LMO7: variants seen among roughly 807,000 people sequenced by gnomAD.
LMO7 encodes LIM domain 7, also known as LIM domain only protein 7.
LMO7 carries 120 observed loss-of-function variants against 206.5 expected under a neutral mutation model. The observed-to-expected ratio is 0.58, with a 90% CI of 0.50 to 0.68. The LOEUF (loss-of-function observed/expected upper bound fraction) is 0.68, where lower values mean the gene tolerates loss of function less well. Ranked by LOEUF, LMO7 falls within the 30% of genes least tolerant of loss-of-function variation. The probability of loss-of-function intolerance (pLI) is 0.00; values close to 1 mark genes in which losing one functional copy is unlikely to be tolerated. For synonymous variants in LMO7, 706 were observed against 681.5 expected (o/e 1.04, Z -0.56); for missense variants, 1,959 against 1,957.9 (o/e 1.00, Z -0.01).
rs546660263 is a variant in LMO7, at chr13:75,739,089, T to C, written c.210+11991T>C. 3.3e-5 allele frequency among the ~76,000 whole-genome samples: 5 copies of C among 152,328 alleles called. 1 individual carries two copies. Among genetic ancestry groups the C allele is most frequent in the African/African-American group, 9.6e-5 (4 of 41,578 alleles). ...CTCTTGAAATTGCCAGTGACTCCCA[T>C]GGGATAAAATCATCCCTGATTGAGA... On this transcript the variant is annotated intron_variant, in intron 3 of 30. Coordinates refer to ENST00000377534, the MANE Select transcript of LMO7 (RefSeq NM_001306080.2).
chr13:75,840,153 T>C (rs889261919), intron 21 of LMO7, 43 bp downstream of exon 21: 2 of 1,591,688 alleles, frequency 1.3e-6, no homozygotes, highest in African/African-American at 2.7e-5. Flanking sequence ...GTGAACTTGG[T>C]GGGACTGAAT....
chr13:75,761,270 G>A (rs904193485), intron 4 of LMO7, among the ~76,000 whole-genome samples: 6 of 151,990 alleles, frequency 3.9e-5, no homozygotes, highest in Admixed American at 2.0e-4. Context: ...TCTCTATACC[G>A]ACAAAAATGG....
chr13:75,834,478 T>G, intron 17 of LMO7, 91 bp downstream of exon 17: 1 of 990,116 alleles, frequency 1.0e-6, no homozygotes. Flanking sequence ...TAACTTTTTA[T>G]TTTTTCACTT....
intron 4 of LMO7, among the ~76,000 whole-genome samples, chr13:75,769,414 C>A (rs2049335646): frequency 6.6e-6 from 1 of 151,886 alleles, no homozygotes; most frequent in African/African-American, 2.4e-5. Context: ...CTTCAGACAC[C>A]ATTGACCAAA....
At chr13:75,772,680 C>CT (rs1413635486) in intron 4 of LMO7, among the ~76,000 whole-genome samples, 3 of 151,808 alleles carry the variant, frequency 2.0e-5, no homozygotes, top group Admixed American at 6.6e-5. Context: ...TGAAGGAATT[C>CT]TTTTTTTTAA....
At chr13:75,817,886 C>G (rs924337945) in intron 12 of LMO7, among the ~76,000 whole-genome samples, 1 of 151,816 alleles carries the variant, frequency 6.6e-6, no homozygotes, top group African/African-American at 2.4e-5. Flanking sequence ...AAAGCTTGAC[C>G]ATTTTTTTTA....
At chr13:75,699,127 T>C (rs1053089828) in intron 1 of LMO7, among the ~76,000 whole-genome samples, 1 of 152,190 alleles carries the variant, frequency 6.6e-6, no homozygotes, top group Non-Finnish European at 1.5e-5. Flanking sequence ...ATGGCATGTA[T>C]TAGTACAGTA....
intron 6 of LMO7, among the ~76,000 whole-genome samples, chr13:75,800,004 C>T (rs2054530770): frequency 6.6e-6 from 1 of 152,244 alleles, no homozygotes; most frequent in African/African-American, 2.4e-5. Flanking sequence ...TATTTAGGTC[C>T]ATAGAAAATA....
intron 1 of LMO7, among the ~76,000 whole-genome samples, chr13:75,652,031 T>G (rs895562001): frequency 6.6e-6 from 1 of 152,340 alleles, no homozygotes; most frequent in South Asian, 2.1e-4. Context: ...TAATGTTCAA[T>G]TGTATCTGCC....
chr13:75,854,707 A>G (rs1158054422), intron 28 of LMO7, among the ~76,000 whole-genome samples: 4 of 152,160 alleles, frequency 2.6e-5, no homozygotes, highest in Admixed American at 2.6e-4. Context: ...CCCTGCAGAG[A>G]CAATCCTGTA....
At chr13:75,845,254 G>A in intron 25 of LMO7, 73 bp from the exon 26 acceptor site, 1 of 710,946 alleles carries the variant, frequency 1.4e-6, no homozygotes, top group Non-Finnish European at 2.3e-6. Context: ...AATCTCTTCG[G>A]TGTTTTTACT....
intron 1 of LMO7, among the ~76,000 whole-genome samples, chr13:75,699,051 A>G (rs1227547109): frequency 6.6e-6 from 1 of 152,188 alleles, no homozygotes; most frequent in East Asian, 1.9e-4. Flanking sequence ...TTTCACGTAA[A>G]TAGAATAATA....
At chr13:75,665,329 C>T (rs1055157764) in intron 1 of LMO7, among the ~76,000 whole-genome samples, 5 of 151,780 alleles carry the variant, frequency 3.3e-5, no homozygotes, top group African/African-American at 1.2e-4. Context: ...GGGTTATTTT[C>T]TTTCTATAGT....
At chr13:75,759,753 G>A (rs553608028) in intron 3 of LMO7, among the ~76,000 whole-genome samples, 3 of 152,040 alleles carry the variant, frequency 2.0e-5, no homozygotes, top group South Asian at 2.1e-4. Flanking sequence ...GTGCTTTCCC[G>A]GAATCCCCTT....
intron 12 of LMO7, among the ~76,000 whole-genome samples, chr13:75,817,900 G>C (rs187614107): frequency 5.3e-5 from 8 of 152,062 alleles, no homozygotes; most frequent in African/African-American, 1.9e-4. Context: ...TTTTTTAATA[G>C]AGTAATTGTC....
chr13:75,799,919 T>C lies in LMO7; in HGVS notation c.463-765T>C, dbSNP rs188639667. ...AAGTGCTTATCTTGAGTAAGTTCTA[T>C]ATAATTCACAAACCTACAGTTAACA... On this transcript the variant is annotated intron_variant, in intron 6 of 30. Coordinates refer to ENST00000377534, the MANE Select transcript of LMO7 (RefSeq NM_001306080.2). Among the ~76,000 whole-genome samples, 755 of 152,364 alleles carry C rather than the reference T, an allele frequency of 5.0e-3. 6 individuals carry two copies. Among genetic ancestry groups the C allele is most frequent in the Admixed American group, 0.01 (154 of 15,300 alleles).
At chr13:75,771,863 G>A (rs2049791590) in intron 4 of LMO7, among the ~76,000 whole-genome samples, 1 of 151,960 alleles carries the variant, frequency 6.6e-6, no homozygotes, top group African/African-American at 2.4e-5. Context: ...TACAGTAAAA[G>A]TATCTATTCT....
chr13:75,802,781 G>C (rs1329452809), intron 7 of LMO7, among the ~76,000 whole-genome samples: 1 of 152,178 alleles, frequency 6.6e-6, no homozygotes, highest in Non-Finnish European at 1.5e-5. Flanking sequence ...GCTCTTTTGT[G>C]ATCAGTGTGT....
intron 3 of LMO7, among the ~76,000 whole-genome samples, chr13:75,741,127 T>TA (rs1416485433): frequency 2.0e-5 from 3 of 152,222 alleles, no homozygotes; most frequent in Admixed American, 2.0e-4. Flanking sequence ...GGTTCTTTAT[T>TA]AAAACTACAT....
Sources: gnomAD v4.1 joint callset for allele counts (sites outside exome capture counted in the v4.1 genomes callset) on GRCh38, gnomAD v4.1.1 for gene constraint, MANE v1.5 for transcripts, NCBI Gene and HGNC (gene_info 2026-07-23, HGNC 2026-07-21) for gene names.